CEP104: variants seen among roughly 807,000 people sequenced by gnomAD.
The protein encoded by CEP104 is centrosomal protein 104.
Under a neutral mutation model 113.3 loss-of-function variants are expected in CEP104, and 84 were observed. The observed-to-expected ratio is 0.74, with a 90% CI of 0.62 to 0.89. The LOEUF is 0.89. Among genes scored for constraint, CEP104 ranks in the 40% least tolerant of loss-of-function variants. The pLI is 0.00. For missense variants in CEP104, 1,053 were observed against 1,156.6 expected (o/e 0.91, Z 1.30); for synonymous variants, 378 against 421.7 (o/e 0.90, Z 1.27).
At chr1:3,836,087 A>T (rs1192669286) in intron 10 of CEP104, among the ~76,000 whole-genome samples, 4 of 152,008 alleles carry the variant, frequency 2.6e-5, no homozygotes, top group African/African-American at 9.7e-5. Context: ...GGATCACAAG[A>T]TCAGGAGATC....
Position 3,814,604 on chromosome 1 carries a change from G to C in CEP104, c.*798C>G, listed in dbSNP as rs1485729220. ...TTCCTCCACATGTCTTTAGGAATTC[G>C]AAAGTGTGGAGAAAGTGAAGCGCCT... On this transcript the variant is annotated 3_prime_UTR_variant, in exon 22 of 22. Transcript: ENST00000378230. 1 of 152,166 alleles carries C rather than the reference G, an allele frequency of 6.6e-6. No homozygotes were observed. Among genetic ancestry groups the C allele is most frequent in the Admixed American group, 6.5e-5 (1 of 15,272 alleles). 9.4% of individuals were successfully genotyped at this position (152,166 alleles called of 1,614,324 possible).
In CEP104 at chr1:3,814,401, T is replaced by C. The variant is rs947723009; in HGVS notation, c.*1001A>G. On this transcript the variant is annotated 3_prime_UTR_variant, in exon 22 of 22. Transcript: ENST00000378230. ...GGTTAGGAGACTGTTTTTTGAGGGT[T>C]GGTTTCATCATTTTAAGCAATGTGT... The C allele has an allele frequency of 6.6e-6, 1 of 152,258 alleles. No individual in the cohort carries two copies. The highest frequency in any genetic ancestry group is 1.5e-5 in the Non-Finnish European group (1 of 68,050). 9.4% of individuals were successfully genotyped at this position (152,258 alleles called of 1,614,324 possible).
intron 2 of CEP104, among the ~76,000 whole-genome samples, chr1:3,851,430 C>T (rs923394411): frequency 2.0e-5 from 3 of 151,976 alleles, no homozygotes; most frequent in Non-Finnish European, 4.4e-5. Flanking sequence ...TTTACGCGTT[C>T]GCGGGTTAGG....
chr1:3,828,276 C>T (rs1415153729), intron 15 of CEP104, among the ~76,000 whole-genome samples: 1 of 152,188 alleles, frequency 6.6e-6, no homozygotes, highest in African/African-American at 2.4e-5. Context: ...TGCTGAGCCA[C>T]TGAGGGTCAC....
chr1:3,820,197 C>T (rs1466457654), intron 20 of CEP104, among the ~76,000 whole-genome samples: 2 of 152,088 alleles, frequency 1.3e-5, no homozygotes. Context: ...CAATTCAAAT[C>T]AGATGTTGGG....
chr1:3,826,006 A>T, intron 17 of CEP104, 140 bp from the exon 18 acceptor site: 1 of 697,122 alleles, frequency 1.4e-6, no homozygotes, highest in Non-Finnish European at 2.5e-6. Flanking sequence ...GAACTGCCTC[A>T]GTTTGCTCTG....
At chr1:3,855,940 A>C in intron 1 of CEP104, 1 of 985,332 alleles carries the variant, frequency 1.0e-6, no homozygotes, top group Non-Finnish European at 1.2e-6. Flanking sequence ...GCCAGAGTAC[A>C]TCTCTCCCCA....
At chr1:3,836,339 T>C (rs1268270731) in intron 10 of CEP104, among the ~76,000 whole-genome samples, 156 bp downstream of exon 10, 3 of 151,314 alleles carry the variant, frequency 2.0e-5, no homozygotes, top group African/African-American at 4.9e-5. Context: ...CAAAAGACTT[T>C]CCAATTCAGG....
chr1:3,847,928 G>A lies in CEP104; in HGVS notation c.288-315C>T, dbSNP rs559068483. Among the ~76,000 whole-genome samples the A allele has an allele frequency of 6.0e-3, 907 of 152,080 alleles. 10 individuals are homozygous for A. Among genetic ancestry groups the A allele is most frequent in the African/African-American group, 0.02 (844 of 41,502 alleles). On this transcript the variant is annotated intron_variant, in intron 3 of 21. Coordinates refer to ENST00000378230, the MANE Select transcript of CEP104 (RefSeq NM_014704.4). ...TGGCTCATTCCAACCTCCACCTCCC[G>A]GGTTCAAGCAATTCTTCTGCCTCAG...
Position 3,823,655 on chromosome 1 carries a change from A to G in CEP104, c.2365-93T>C. 6.7e-7 allele frequency: 1 copy of G among 1,501,668 alleles called. No individual in the cohort carries two copies. Among genetic ancestry groups the G allele is most frequent in the East Asian group, 2.3e-5 (1 of 44,372 alleles). 93.0% of individuals were successfully genotyped at this position (1,501,668 alleles called of 1,614,324 possible). On this transcript the variant is annotated intron_variant, in intron 18 of 21. Coordinates refer to ENST00000378230, the MANE Select transcript of CEP104 (RefSeq NM_014704.4). This position sits in a 1 kb window ranked among gnomAD's most constrained non-coding sequence, Gnocchi z 4.1. ...GAGCCTGTGAGCGCCTCCCCTGCCCAGGGAGGTCTGTGCCGCCTGCACATG... is the reference window on the plus strand; with the variant it reads ...GAGCCTGTGAGCGCCTCCCCTGCCCGGGGAGGTCTGTGCCGCCTGCACATG...
chr1:3,818,837 C>T (rs1239182462), intron 20 of CEP104, among the ~76,000 whole-genome samples: 2 of 152,218 alleles, frequency 1.3e-5, no homozygotes. Flanking sequence ...CCAAACTCTG[C>T]CCCAAGGTTC....
Position 3,852,402 on chromosome 1 carries a change from G to A in CEP104, c.6C>T (p.Pro2=), listed in dbSNP as rs148089903. 20 of 1,613,596 alleles carry A rather than the reference G, an allele frequency of 1.2e-5. No homozygotes were observed. In the African/African-American group the frequency reaches 2.4e-4, roughly 19 times the overall value. The change falls in exon 2 of 22, where the codon CCC becomes CCT. Residue 2 remains proline (P), a synonymous_variant. Transcript: ENST00000378230. M[P]HKIGFVVVSS... ...TGACGACTACAAATCCAATCTTGTG[G>A]GGCATTCTGCACGTTTGGGCTGTTT...
Position 3,829,335 on chromosome 1 carries a change from T to C in CEP104, c.2082A>G (p.Gln694=). ...RKAATEEAEK[Q]KKEEIKALQG... is the part of the protein sequence containing the mutation. ...GTAAAGCTTTTATTTCTTCTTTCTT[T>C]TGTTTTTCTGCTTCTTCTGTAGCCG... The change falls in exon 15 of 22, where the codon CAA becomes CAG. Residue 694 remains glutamine (Q), a synonymous_variant. Coordinates refer to ENST00000378230, the MANE Select transcript of CEP104 (RefSeq NM_014704.4). 6.2e-7 allele frequency: 1 copy of C among 1,606,922 alleles called. No individual in the cohort carries two copies. The highest frequency in any genetic ancestry group is 1.1e-5 in the South Asian group (1 of 89,018).
chr1:3,837,560 C>T, intron 8 of CEP104, 41 bp from the exon 9 acceptor site: 1 of 1,507,920 alleles, frequency 6.6e-7, no homozygotes, highest in Non-Finnish European at 9.2e-7. Flanking sequence ...AATGCCACTG[C>T]CACGCCAGAT....
At chr1:3,827,165 G>A (rs1446042057) in intron 15 of CEP104, among the ~76,000 whole-genome samples, 1 of 152,140 alleles carries the variant, frequency 6.6e-6, no homozygotes, top group Non-Finnish European at 1.5e-5. Context: ...ATGCAGAAGT[G>A]CAATTCTAGT....
chr1:3,852,297 A>G lies in CEP104; in HGVS notation c.111T>C (p.Pro37=). 1 of 1,613,350 alleles carries G rather than the reference A, an allele frequency of 6.2e-7. No homozygotes were observed. ...HAPTVSGWRS[P]RFCQFPQEIV... is the part of the protein sequence containing the mutation. ...GCCCCGCCCCGTCCAGTCCTCACCT[A>G]GGTGACCGCCACCCACTGACAGTTG... is the stretch of plus-strand genomic sequence containing the variant. The change falls in exon 2 of 22, where the codon CCT becomes CCC. Residue 37 remains proline, a splice_region_variant and synonymous_variant. Transcript: ENST00000378230.
At position 3,844,912 on chromosome 1, in the gene CEP104, G is replaced by A. The variant is rs374191673; in HGVS notation, c.561C>T (p.Tyr187=). 9.3e-5 allele frequency: 150 copies of A among 1,612,868 alleles called. No homozygotes were observed. The highest frequency in any genetic ancestry group is 1.2e-4 in the Non-Finnish European group (137 of 1,178,974). The part of the protein sequence containing the change: ...NSEDPALEGT[Y]ARKSDYISPL... Reference sequence around the variant, plus strand: ...ATGGGGAGCAGGACTCTTACCTGGCGTACGTTCCTTCTAGAGCAGGGTCCT... The same window carrying A: ...ATGGGGAGCAGGACTCTTACCTGGCATACGTTCCTTCTAGAGCAGGGTCCT... Residue 187 remains tyrosine, a synonymous_variant, in exon 6 of 22, where the codon TAC becomes TAT. Coordinates refer to ENST00000378230, the MANE Select transcript of CEP104 (RefSeq NM_014704.4).
intron 13 of CEP104, among the ~76,000 whole-genome samples, chr1:3,830,822 T>C (rs1030210200): frequency 7.1e-4 from 108 of 151,530 alleles, no homozygotes; most frequent in African/African-American, 2.5e-3. Context: ...TTATGATTTG[T>C]TTCTCTCCAC....
Position 3,831,036 on chromosome 1 carries a change from G to A in CEP104, c.1836+10C>T. On this transcript the variant is annotated intron_variant, in intron 13 of 21. Coordinates refer to ENST00000378230, the MANE Select transcript of CEP104 (RefSeq NM_014704.4). The stretch of plus-strand genomic sequence containing the variant: ...GGCCGCGTGGTGTGTCACACGCGAG[G>A]TCTGCTTACCTTCATCACGTTGTCA... 1 of 1,610,906 alleles carries A rather than the reference G, an allele frequency of 6.2e-7. No homozygotes were observed. Among genetic ancestry groups the A allele is most frequent in the Non-Finnish European group, 8.5e-7 (1 of 1,178,276 alleles).
Sources: allele counts gnomAD v4.1 joint callset (sites outside exome capture counted in the v4.1 genomes callset), GRCh38; gene constraint gnomAD v4.1.1; non-coding constraint Gnocchi (gnomAD v3.1); transcripts MANE v1.5; gene names NCBI Gene and HGNC (gene_info 2026-07-23, HGNC 2026-07-21).